Variants in NRXN3 observed in about 807,000 individuals in gnomAD.
The protein encoded by NRXN3 is neurexin III.
NRXN3 carries 32 observed loss-of-function variants against 137.6 expected under a neutral mutation model. The observed-to-expected ratio is 0.23, with a 90% CI of 0.18 to 0.31. The LOEUF is 0.31. Ranked by LOEUF, NRXN3 falls within the 10% of genes least tolerant of loss-of-function variation. The pLI, the probability that NRXN3 is intolerant of heterozygous loss-of-function variation, is 1.00. For missense variants in NRXN3, 1,574 were observed against 2,062.5 expected, an observed-to-expected ratio of 0.76 and a Z score of 4.59; for synonymous variants, 798 against 784.5, an observed-to-expected ratio of 1.02 and a Z score of -0.29.
chr14:79,338,121 C>T (rs970931742), intron 15 of NRXN3, among the ~76,000 whole-genome samples: 2 of 151,938 alleles, frequency 1.3e-5, no homozygotes, highest in Non-Finnish European at 2.9e-5. Flanking sequence ...CTGAACTTCA[C>T]ATATGGGAGT....
intron 15 of NRXN3, among the ~76,000 whole-genome samples, chr14:79,219,070 G>A (rs150661043): frequency 3.0e-4 from 45 of 152,146 alleles, no homozygotes; most frequent in African/African-American, 1.1e-3. Flanking sequence ...AAAAAATAAG[G>A]TCTATTTTTT....
intron 2 of NRXN3, among the ~76,000 whole-genome samples, chr14:78,254,854 T>A (rs1365018934): frequency 6.6e-6 from 1 of 151,708 alleles, no homozygotes; most frequent in Non-Finnish European, 1.5e-5. Context: ...CTTTCTTTTC[T>A]TTTTTTTAAA....
Position 78,689,488 on chromosome 14 carries a change from G to A in NRXN3, c.1222-19729G>A, listed in dbSNP as rs551361630. 1.6e-3 allele frequency among the ~76,000 whole-genome samples: 238 copies of A among 152,150 alleles called. 1 individual carries two copies. Among genetic ancestry groups the A allele is most frequent in the Non-Finnish European group, 2.4e-3 (162 of 67,992 alleles). On this transcript the variant is annotated intron_variant, in intron 6 of 20. Transcript: ENST00000335750. ...TAATTTCTGCCCTAAGTCCTTTTCA[G>A]TTAAATTTCCTAGGAAAGATACAAG... is the stretch of plus-strand genomic sequence containing the variant.
intron 17 of NRXN3, among the ~76,000 whole-genome samples, chr14:79,684,828 TGGGA>T (rs2098688449): frequency 6.6e-6 from 1 of 150,792 alleles, no homozygotes; most frequent in African/African-American, 2.4e-5. Context: ...GGATGGGGAG[TGGGA>T]GGAAGAGGGT....
chr14:78,899,499 C>A (rs2099188706), intron 10 of NRXN3, among the ~76,000 whole-genome samples: 1 of 151,934 alleles, frequency 6.6e-6, no homozygotes, highest in South Asian at 2.1e-4. Flanking sequence ...GTATGGTTGC[C>A]AGGGATGATC....
rs1372742474 is a variant in NRXN3, at chr14:78,513,782, T to C, written c.758-131338T>C. On this transcript the variant is annotated intron_variant, in intron 4 of 20. Coordinates refer to ENST00000335750, the MANE Select transcript of NRXN3 (RefSeq NM_001330195.2). ...TACCTGGTGTTCAGGATTATCAATA[T>C]AAAAATTGATTTAAGATCCCCATAA... Among the ~76,000 whole-genome samples, 4 of 152,150 alleles carry C rather than the reference T, an allele frequency of 2.6e-5. No homozygotes were observed. The East Asian group carries it at 7.7e-4, about 29-fold the overall frequency.
At chr14:78,877,926 A>T (rs2099117719) in intron 10 of NRXN3, among the ~76,000 whole-genome samples, 1 of 152,240 alleles carries the variant, frequency 6.6e-6, no homozygotes, top group Non-Finnish European at 1.5e-5. Context: ...GTTTGTAAGT[A>T]ATAAGAAATA....
intron 8 of NRXN3, among the ~76,000 whole-genome samples, chr14:78,741,198 A>G (rs116917122): frequency 0.021 from 3,230 of 152,284 alleles, 81 homozygotes; most frequent in Non-Finnish European, 0.024. Flanking sequence ...TTTCCTCCAG[A>G]AAATCCAGGA....
chr14:78,693,951 A>G (rs1286202584), intron 6 of NRXN3, among the ~76,000 whole-genome samples: 4 of 151,922 alleles, frequency 2.6e-5, no homozygotes, highest in African/African-American at 9.7e-5. Flanking sequence ...TTGAGACTAC[A>G]CATATGCCAA....
intron 4 of NRXN3, among the ~76,000 whole-genome samples, chr14:78,481,625 CAGG>C (rs1209002752): frequency 3.9e-5 from 6 of 152,252 alleles, no homozygotes; most frequent in Middle Eastern, 3.4e-3. Context: ...ATTGCACAGA[CAGG>C]AGGAGAAGTG....
At chr14:79,406,297 T>C (rs2153504181) in intron 15 of NRXN3, among the ~76,000 whole-genome samples, 1 of 134,412 alleles carries the variant, frequency 7.4e-6, no homozygotes, top group Admixed American at 8.0e-5. Flanking sequence ...TCCCCTCCTC[T>C]CCTCTCCTCT....
At chr14:78,310,882 C>T (rs1282596524) in intron 4 of NRXN3, among the ~76,000 whole-genome samples, 1 of 151,992 alleles carries the variant, frequency 6.6e-6, no homozygotes, top group Non-Finnish European at 1.5e-5. Flanking sequence ...TCTATTGAGA[C>T]AATAATATTA....
chr14:78,796,665 C>T (rs1197396097), intron 8 of NRXN3, among the ~76,000 whole-genome samples: 1 of 152,104 alleles, frequency 6.6e-6, no homozygotes, highest in Admixed American at 6.5e-5. Flanking sequence ...TACATATTTG[C>T]AAGGCTACAC....
chr14:79,105,593 C>G (rs745384464), intron 15 of NRXN3, among the ~76,000 whole-genome samples: 2 of 152,136 alleles, frequency 1.3e-5, no homozygotes, highest in Non-Finnish European at 2.9e-5. Flanking sequence ...AAGCATTTCC[C>G]CATGTTTCCT....
intron 4 of NRXN3, among the ~76,000 whole-genome samples, chr14:78,512,029 C>T (rs768604970): frequency 6.6e-6 from 1 of 152,150 alleles, no homozygotes; most frequent in Non-Finnish European, 1.5e-5. Context: ...CACACAGAGA[C>T]TTATTGTCAT....
chr14:78,478,246 A>T (rs2095413759), intron 4 of NRXN3, among the ~76,000 whole-genome samples: 1 of 152,194 alleles, frequency 6.6e-6, no homozygotes, highest in South Asian at 2.1e-4. Flanking sequence ...CTCAAACAGT[A>T]TGAGCCAGTA....
chr14:79,141,374 A>T (rs144551891), intron 15 of NRXN3, among the ~76,000 whole-genome samples: 1 of 152,186 alleles, frequency 6.6e-6, no homozygotes, highest in Admixed American at 6.5e-5. Context: ...AATAAATTAG[A>T]TTATTCATGG....
chr14:78,405,803 A>C lies in NRXN3; in HGVS notation c.757+107943A>C, dbSNP rs535749577. Among the ~76,000 whole-genome samples, 4 of 152,222 alleles carry C rather than the reference A, an allele frequency of 2.6e-5. 1 individual carries two copies. The South Asian group carries it at 6.2e-4, about 24-fold the overall frequency. ...CAAAAATATGGACTTAATATCAACT[A>C]TGTGTACGGCATGGAATTCTTGGCA... On this transcript the variant is annotated intron_variant, in intron 4 of 20. Transcript: ENST00000335750.
intron 6 of NRXN3, among the ~76,000 whole-genome samples, chr14:78,706,280 A>G (rs2098348040): frequency 6.6e-6 from 1 of 152,238 alleles, no homozygotes; most frequent in Non-Finnish European, 1.5e-5. Context: ...GAAGGTTAGA[A>G]AGGAGAAGCT....
Sources: allele counts gnomAD v4.1 joint callset (sites outside exome capture counted in the v4.1 genomes callset), GRCh38; gene constraint gnomAD v4.1.1; transcripts MANE v1.5; gene names NCBI Gene and HGNC (gene_info 2026-07-23, HGNC 2026-07-21).